ATR: variants seen among roughly 807,000 people sequenced by gnomAD.
ATR encodes the protein ATR checkpoint kinase, also known as serine/threonine-protein kinase ATR.
Under a neutral mutation model 305.3 loss-of-function variants are expected in ATR, and 142 were observed. The observed-to-expected ratio is 0.47, with a 90% confidence interval of 0.41 to 0.53. The LOEUF (loss-of-function observed/expected upper bound fraction) is 0.53, where lower values mean the gene tolerates loss of function less well. Ranked by LOEUF, ATR falls within the 20% of genes least tolerant of loss-of-function variation. The probability of loss-of-function intolerance (pLI) is 0.00; values close to 1 mark genes in which losing one functional copy is unlikely to be tolerated. For synonymous variants in ATR, 1,050 were observed against 1,068.1 expected (o/e 0.98, Z 0.33); for missense variants, 2,135 against 3,133.1 (o/e 0.68, Z 7.60).
chr3:142,565,308 C>T (rs2035029263), intron 3 of ATR, among the ~76,000 whole-genome samples: 1 of 152,022 alleles, frequency 6.6e-6, no homozygotes, highest in Admixed American at 6.6e-5. Flanking sequence ...GGAGGACATG[C>T]TATCAAAGTT....
intron 45 of ATR, among the ~76,000 whole-genome samples, chr3:142,457,337 G>A (rs1002717538): frequency 3.9e-4 from 60 of 152,140 alleles, no homozygotes; most frequent in African/African-American, 1.3e-3. Flanking sequence ...TAATGCCTAC[G>A]GAATTTCTTT....
Position 142,538,536 on chromosome 3 carries a change from T to G in ATR, c.3671A>C (p.His1224Pro). ...HVIVALLPLIHIQPKETAAIF... is the reference protein window; with the variant it reads ...HVIVALLPLIPIQPKETAAIF... ...AGCTGCAGTTTCTTTAGGCTGGATG[T>G]GTATAAGAGGTAACAAAGCTACTAT... The change falls in exon 19 of 47, where the codon CAC becomes CCC. Residue 1224 changes from histidine to proline, a missense_variant. Physicochemically the swap from His to Pro is moderately conservative, Grantham distance 77. Transcript: ENST00000350721. The G allele has an allele frequency of 6.2e-7, 1 of 1,613,490 alleles. No homozygotes were observed. The highest frequency in any genetic ancestry group is 8.5e-7 in the Non-Finnish European group (1 of 1,179,586).
chr3:142,451,514 CAGAA>C (rs1395630918), intron 46 of ATR: 2 of 1,424,192 alleles, frequency 1.4e-6, no homozygotes, highest in Admixed American at 2.2e-5. Flanking sequence ...CCCATAGAAA[CAGAA>C]AGAGAACACC....
chr3:142,516,876 C>T (rs900123878), intron 24 of ATR, among the ~76,000 whole-genome samples: 15 of 151,884 alleles, frequency 9.9e-5, no homozygotes, highest in African/African-American at 1.5e-4. Context: ...TCTCATCTTA[C>T]GGCTACCTGT....
At chr3:142,450,972 A>G in intron 46 of ATR, 1 of 1,212,502 alleles carries the variant, frequency 8.2e-7, no homozygotes, top group Non-Finnish European at 1.0e-6. Context: ...AGAATCTGAC[A>G]CTCAAAATCA....
chr3:142,556,481 C>T lies in ATR; in HGVS notation c.1980G>A (p.Leu660=), dbSNP rs2108473079. 6.2e-7 allele frequency: 1 copy of T among 1,614,060 alleles called. No individual in the cohort carries two copies. Among genetic ancestry groups the T allele is most frequent in the Non-Finnish European group, 8.5e-7 (1 of 1,179,958 alleles). ...CCCGGATTACTTCATGGGAGCTCTG[C>T]AGGGCCCAGTTGTAAACTGCTGTTC... The part of the protein sequence containing the change: ...EWRTAVYNWA[L]QSSHEVIRAS... Residue 660 remains leucine, a synonymous_variant, in exon 9 of 47, where the codon CTG becomes CTA. Transcript: ENST00000350721.
chr3:142,557,183 T>C (rs1009236321), intron 8 of ATR, among the ~76,000 whole-genome samples: 12 of 152,248 alleles, frequency 7.9e-5, no homozygotes, highest in Non-Finnish European at 1.3e-4. Context: ...TTTTTTTTAA[T>C]GTGCTCTTTC....
At chr3:142,512,123 C>T (rs2108369910) in intron 27 of ATR, 137 bp downstream of exon 27, 2 of 773,604 alleles carry the variant, frequency 2.6e-6, no homozygotes, top group Non-Finnish European at 2.0e-6. Flanking sequence ...CATCTCCAAA[C>T]AACAACAACA....
At chr3:142,574,842 A>G (rs1241261219) in intron 1 of ATR, among the ~76,000 whole-genome samples, 1 of 152,180 alleles carries the variant, frequency 6.6e-6, no homozygotes, top group South Asian at 2.1e-4. Flanking sequence ...AGGCAGTGAA[A>G]TAAGGGTAAG....
chr3:142,479,582 C>T (rs1242889418), intron 36 of ATR, among the ~76,000 whole-genome samples: 5 of 152,038 alleles, frequency 3.3e-5, no homozygotes, highest in Admixed American at 6.6e-5. Context: ...TTGCTCTTCT[C>T]GAGGAGTATC....
chr3:142,491,083 A>C (rs934217251), intron 35 of ATR, among the ~76,000 whole-genome samples: 4 of 152,044 alleles, frequency 2.6e-5, no homozygotes, highest in African/African-American at 9.7e-5. Flanking sequence ...CCACTATTTA[A>C]TTCCAGAACA....
chr3:142,535,291 C>G (rs2108425953), intron 20 of ATR, 86 bp from the exon 21 acceptor site: 1 of 1,513,772 alleles, frequency 6.6e-7, no homozygotes, highest in Non-Finnish European at 9.1e-7. Flanking sequence ...TATATAGTTA[C>G]CATTAAACTA....
intron 7 of ATR, chr3:142,559,000 G>T (rs1272484967): frequency 1.6e-5 from 10 of 617,128 alleles, no homozygotes; most frequent in South Asian, 7.1e-5. Context: ...AAGAATCACG[G>T]CATTCCTCAA....
chr3:142,466,254 C>A (rs764208501), intron 40 of ATR, 70 bp downstream of exon 40: 1 of 1,473,122 alleles, frequency 6.8e-7, no homozygotes, highest in Non-Finnish European at 9.4e-7. Flanking sequence ...GTGAAATACA[C>A]TTTTTATCTT....
At chr3:142,512,236 AAAG>A (rs2032612867) in intron 27 of ATR, 21 bp downstream of exon 27, 5 of 1,569,844 alleles carry the variant, frequency 3.2e-6, no homozygotes, top group Admixed American at 1.8e-5. Flanking sequence ...AAAAAAAAAA[AAAG>A]AAACAGAAGT....
At chr3:142,485,647 T>C (rs1004458930) in intron 35 of ATR, among the ~76,000 whole-genome samples, 24 of 152,374 alleles carry the variant, frequency 1.6e-4, no homozygotes, top group Admixed American at 2.6e-4. Flanking sequence ...TATACACATA[T>C]ATCATGAAAG....
At chr3:142,552,722 T>C (rs919759914) in intron 13 of ATR, among the ~76,000 whole-genome samples, 1 of 140,140 alleles carries the variant, frequency 7.1e-6, no homozygotes, top group Non-Finnish European at 1.5e-5. Context: ...TGCCCATCAA[T>C]GACAGACTGG....
intron 21 of ATR, among the ~76,000 whole-genome samples, chr3:142,524,616 A>G (rs529331869): frequency 1.3e-5 from 2 of 152,308 alleles, no homozygotes; most frequent in South Asian, 4.1e-4. Context: ...GTAACTTTTA[A>G]AGGACAGTGG....
intron 27 of ATR, among the ~76,000 whole-genome samples, chr3:142,510,739 C>T (rs989923639): frequency 2.0e-5 from 3 of 151,664 alleles, no homozygotes; most frequent in Non-Finnish European, 2.9e-5. Flanking sequence ...AGGAAAAATA[C>T]TTGATGTCTG....
Sources: gnomAD v4.1 joint callset for allele counts (sites outside exome capture counted in the v4.1 genomes callset) on GRCh38, gnomAD v4.1.1 for gene constraint, MANE v1.5 for transcripts, NCBI Gene and HGNC (gene_info 2026-07-23, HGNC 2026-07-21) for gene names.